The following ZFPM2 variants were observed in gnomAD, a reference collection of about 807,000 sequenced individuals.
ZFPM2 encodes zinc finger protein, FOG family member 2.
ZFPM2 carries 20 observed loss-of-function variants against 98.6 expected under a neutral mutation model. The observed-to-expected ratio is 0.20, with a 90% CI of 0.14 to 0.29. The LOEUF (loss-of-function observed/expected upper bound fraction) is 0.29, where lower values mean the gene tolerates loss of function less well. ZFPM2 is among the 10% of genes least tolerant of loss of function. The pLI, the probability that ZFPM2 is intolerant of heterozygous loss-of-function variation, is 1.00. For missense variants in ZFPM2, 1,310 were observed against 1,388.6 expected, an observed-to-expected ratio of 0.94 and a Z score of 0.90; for synonymous variants, 518 against 502.7, an observed-to-expected ratio of 1.03 and a Z score of -0.41.
At chr8:105,526,960 T>C (rs1490869997) in intron 3 of ZFPM2, among the ~76,000 whole-genome samples, 1 of 152,106 alleles carries the variant, frequency 6.6e-6, no homozygotes, top group Admixed American at 6.6e-5. Context: ...TTATTTAATC[T>C]CTCTGTGCCT....
intron 1 of ZFPM2, among the ~76,000 whole-genome samples, chr8:105,326,297 G>A (rs1358843103): frequency 6.6e-6 from 1 of 151,544 alleles, no homozygotes; most frequent in Non-Finnish European, 1.5e-5. Context: ...CTTAAAATGA[G>A]CATTTTTAAA....
intron 5 of ZFPM2, among the ~76,000 whole-genome samples, chr8:105,683,459 A>G (rs1189620578): frequency 6.6e-6 from 1 of 152,186 alleles, no homozygotes; most frequent in Admixed American, 6.5e-5. Context: ...GAGAAATTAC[A>G]CAATGGATGA....
At chr8:105,660,374 A>T (rs1228941507) in intron 5 of ZFPM2, among the ~76,000 whole-genome samples, 1 of 152,196 alleles carries the variant, frequency 6.6e-6, no homozygotes, top group Non-Finnish European at 1.5e-5. Context: ...ATGCAAGCCC[A>T]GAATAGACAG....
chr8:105,465,182 A>G (rs1159077731), intron 3 of ZFPM2, among the ~76,000 whole-genome samples: 1 of 152,034 alleles, frequency 6.6e-6, no homozygotes, highest in Non-Finnish European at 1.5e-5. Context: ...GAAGGAGCAA[A>G]AAATATCTTG....
At chr8:105,680,734 G>A (rs1810580817) in intron 5 of ZFPM2, among the ~76,000 whole-genome samples, 1 of 152,038 alleles carries the variant, frequency 6.6e-6, no homozygotes, top group African/African-American at 2.4e-5. Flanking sequence ...AATATCTTGG[G>A]TCCTTGATAT....
intron 3 of ZFPM2, among the ~76,000 whole-genome samples, chr8:105,495,228 T>C (rs572028346): frequency 2.0e-5 from 3 of 152,318 alleles, no homozygotes; most frequent in African/African-American, 7.2e-5. Context: ...CTTAATCTCC[T>C]TGAGGACAGC....
intron 4 of ZFPM2, among the ~76,000 whole-genome samples, chr8:105,594,884 A>G (rs1272434389): frequency 2.0e-5 from 3 of 152,106 alleles, no homozygotes; most frequent in Admixed American, 2.0e-4. Flanking sequence ...CTCTGCCCTC[A>G]AGGAGCTCAG....
At chr8:105,556,716 TCCCTC>T (rs554665315) in intron 3 of ZFPM2, among the ~76,000 whole-genome samples, 5 of 123,548 alleles carry the variant, frequency 4.0e-5, no homozygotes, top group South Asian at 6.4e-4. Flanking sequence ...TCCCTTCCCT[TCCCTC>T]CCCTCCCCTC....
intron 4 of ZFPM2, among the ~76,000 whole-genome samples, chr8:105,624,075 A>C (rs181174863): frequency 5.3e-5 from 8 of 152,264 alleles, no homozygotes; most frequent in Admixed American, 2.0e-4. Context: ...ACTGTAGTAC[A>C]TATGAGGTCA....
At chr8:105,559,778 G>C (rs184811659) in intron 3 of ZFPM2, among the ~76,000 whole-genome samples, 1 of 151,884 alleles carries the variant, frequency 6.6e-6, no homozygotes, top group Admixed American at 6.6e-5. Context: ...ACTCAGGTTG[G>C]CAGTGTTTCT....
intron 3 of ZFPM2, among the ~76,000 whole-genome samples, chr8:105,532,156 G>C (rs1354305563): frequency 2.0e-5 from 3 of 152,054 alleles, no homozygotes; most frequent in Non-Finnish European, 4.4e-5. Flanking sequence ...CCTGTCTCGG[G>C]CTCCCAAATT....
chr8:105,750,730 G>A (rs916407838), intron 5 of ZFPM2, among the ~76,000 whole-genome samples: 1 of 151,930 alleles, frequency 6.6e-6, no homozygotes, highest in African/African-American at 2.4e-5. Context: ...TCCTGACTCA[G>A]AGGAAAAACG....
intron 1 of ZFPM2, among the ~76,000 whole-genome samples, chr8:105,367,178 T>C (rs2129793279): frequency 1.0e-5 from 1 of 95,384 alleles, no homozygotes; most frequent in Admixed American, 1.0e-4. Flanking sequence ...AGCTTTGTTC[T>C]TTTGGCTTAG....
chr8:105,669,216 A>G (rs565802474), intron 5 of ZFPM2, among the ~76,000 whole-genome samples: 1 of 152,192 alleles, frequency 6.6e-6, no homozygotes, highest in South Asian at 2.1e-4. Flanking sequence ...TGGACTCCCC[A>G]TGGATATAGA....
intron 5 of ZFPM2, among the ~76,000 whole-genome samples, chr8:105,731,227 A>T (rs1811928821): frequency 1.3e-5 from 2 of 150,948 alleles, no homozygotes; most frequent in South Asian, 4.2e-4. Context: ...CCTTTCCCTT[A>T]TTTTTTTTCA....
At chr8:105,697,376 G>C (rs1332916234) in intron 5 of ZFPM2, among the ~76,000 whole-genome samples, 2 of 152,176 alleles carry the variant, frequency 1.3e-5, no homozygotes, top group Non-Finnish European at 2.9e-5. Context: ...CCATAATGCT[G>C]TCACATTCTG....
chr8:105,510,795 G>C (rs1337536682), intron 3 of ZFPM2, among the ~76,000 whole-genome samples: 1 of 152,146 alleles, frequency 6.6e-6, no homozygotes, highest in Non-Finnish European at 1.5e-5. Flanking sequence ...ACTAGGGTGG[G>C]GATGTGAGGG....
chr8:105,754,983 TGC>T (rs1491563110), intron 5 of ZFPM2, among the ~76,000 whole-genome samples: 4 of 147,922 alleles, frequency 2.7e-5, no homozygotes, highest in African/African-American at 5.0e-5. Context: ...TGTGTGTGTG[TGC>T]ACGTGCGCAT....
intron 4 of ZFPM2, among the ~76,000 whole-genome samples, chr8:105,632,473 A>G (rs1183590518): frequency 6.6e-6 from 1 of 152,112 alleles, no homozygotes; most frequent in Non-Finnish European, 1.5e-5. Flanking sequence ...CCCGACCACC[A>G]GATCCTGATC....
Sources: gnomAD v4.1 joint callset for allele counts (sites outside exome capture counted in the v4.1 genomes callset) on GRCh38, gnomAD v4.1.1 for gene constraint, MANE v1.5 for transcripts, NCBI Gene and HGNC (gene_info 2026-07-23, HGNC 2026-07-21) for gene names.